Variants in PDE1A observed in about 807,000 individuals in gnomAD.
PDE1A encodes the protein dual specificity calcium/calmodulin-dependent 3',5'-cyclic nucleotide phosphodiesterase 1A.
A neutral mutation model predicts 61.7 loss-of-function variants in PDE1A; 35 were observed. The observed-to-expected ratio is 0.57, with a 90% confidence interval of 0.43 to 0.75. The LOEUF is 0.75. Among genes scored for constraint, PDE1A ranks in the 30% least tolerant of loss-of-function variants. PDE1A has a pLI of 0.00. For synonymous variants in PDE1A, 232 were observed against 213.2 expected, an observed-to-expected ratio of 1.09 and a Z score of -0.77; for missense variants, 597 against 630.6, an observed-to-expected ratio of 0.95 and a Z score of 0.57.
chr2:182,358,599 T>A (rs980646474), intron 1 of PDE1A, among the ~76,000 whole-genome samples: 1 of 152,194 alleles, frequency 6.6e-6, no homozygotes, highest in Non-Finnish European at 1.5e-5. Flanking sequence ...TATATTATAG[T>A]TGCATCTGTA....
intron 2 of PDE1A, among the ~76,000 whole-genome samples, chr2:182,246,954 T>C (rs1354185438): frequency 1.3e-5 from 2 of 152,228 alleles, no homozygotes; most frequent in African/African-American, 4.8e-5. Context: ...ATATTTACAT[T>C]AGACTAATTG....
At chr2:182,222,819 A>G (rs756809177) in intron 7 of PDE1A, among the ~76,000 whole-genome samples, 1 of 152,038 alleles carries the variant, frequency 6.6e-6, no homozygotes. Context: ...CTTAACATAT[A>G]TCTCCTTATT....
intron 1 of PDE1A, among the ~76,000 whole-genome samples, chr2:182,268,388 C>T (rs1209431553): frequency 6.6e-6 from 1 of 152,034 alleles, no homozygotes; most frequent in East Asian, 1.9e-4. Context: ...GATATTAGTA[C>T]ATATATAAGA....
At position 182,206,022 on chromosome 2, in the gene PDE1A, T is replaced by G. The variant is rs1483821807; in HGVS notation, c.820A>C (p.Asn274His). ...CGATAAGCTGCACTCACGTGGTGATTCTCAAGGACAGAGCGATCATTATAC... is the reference window on the plus strand; with the variant it reads ...CGATAAGCTGCACTCACGTGGTGATGCTCAAGGACAGAGCGATCATTATAC... Residue 274 changes from asparagine to histidine, a missense_variant, in exon 8 of 14, where the codon AAT (asparagine) becomes CAT (histidine). Physicochemically the swap from Asn to His is moderately conservative, Grantham distance 68 (BLOSUM62 1). Transcript: ENST00000351439. 3.1e-6 allele frequency: 5 copies of G among 1,612,558 alleles called. No individual in the cohort carries two copies. In the African/African-American group the frequency reaches 6.7e-5, roughly 22 times the overall value.
At chr2:182,293,965 A>G (rs1694708541) in intron 1 of PDE1A, among the ~76,000 whole-genome samples, 3 of 152,184 alleles carry the variant, frequency 2.0e-5, no homozygotes, top group Admixed American at 2.0e-4. Context: ...AGCCATGATG[A>G]TGTCTATGGT....
chr2:182,342,889 G>A (rs891675640), intron 1 of PDE1A, among the ~76,000 whole-genome samples: 2 of 152,110 alleles, frequency 1.3e-5, no homozygotes, highest in Non-Finnish European at 2.9e-5. Flanking sequence ...AGAGGTTCAG[G>A]GCTCCAGAAT....
the PDE1A span, among the ~76,000 whole-genome samples, chr2:182,689,358 C>A: frequency 6.6e-6 from 1 of 152,110 alleles, no homozygotes; most frequent in African/African-American, 2.4e-5. Flanking sequence ...CAAACTAGAA[C>A]TCAGGATTAA....
chr2:182,150,430 T>C (rs1298012698), intron 13 of PDE1A, among the ~76,000 whole-genome samples: 1 of 152,216 alleles, frequency 6.6e-6, no homozygotes, highest in African/African-American at 2.4e-5. Flanking sequence ...AACGTCACTT[T>C]TGAATTTCAT....
intron 13 of PDE1A, among the ~76,000 whole-genome samples, chr2:182,169,762 C>G (rs1038962890): frequency 1.3e-5 from 2 of 151,978 alleles, no homozygotes; most frequent in African/African-American, 2.4e-5. Flanking sequence ...CTTTCTTGTC[C>G]TAGTCCTGCC....
At chr2:182,407,092 C>A (rs138521221) in intron 1 of PDE1A, among the ~76,000 whole-genome samples, 2 of 152,150 alleles carry the variant, frequency 1.3e-5, no homozygotes, top group East Asian at 3.9e-4. Context: ...TCACATGAAG[C>A]AACAGATATA....
chr2:182,291,636 G>T (rs1372720588), intron 1 of PDE1A, among the ~76,000 whole-genome samples: 2 of 152,036 alleles, frequency 1.3e-5, no homozygotes, highest in Non-Finnish European at 2.9e-5. Context: ...GTTTAATTTG[G>T]AACATAATCC....
chr2:182,242,899 C>CCTCTCT (rs71340034), intron 2 of PDE1A, among the ~76,000 whole-genome samples: 10 of 103,648 alleles, frequency 9.6e-5, no homozygotes, highest in East Asian at 2.7e-4. Context: ...TCTCTCTCTC[C>CCTCTCT]CTCTCTCTCT....
At chr2:182,601,968 C>T in the PDE1A span, among the ~76,000 whole-genome samples, 1 of 152,202 alleles carries the variant, frequency 6.6e-6, no homozygotes. Flanking sequence ...GACTGGCAGC[C>T]CAGCCCCCAG....
At chr2:182,580,362 C>T in the PDE1A span, among the ~76,000 whole-genome samples, 2 of 152,128 alleles carry the variant, frequency 1.3e-5, no homozygotes, top group Non-Finnish European at 2.9e-5. Flanking sequence ...TTCTCTCATT[C>T]GCTTATGGGT....
intron 1 of PDE1A, among the ~76,000 whole-genome samples, chr2:182,355,725 T>C (rs1699140630): frequency 6.6e-6 from 1 of 152,124 alleles, no homozygotes; most frequent in African/African-American, 2.4e-5. Context: ...TTAATTAAGG[T>C]AGAGTTTTGG....
intron 1 of PDE1A, among the ~76,000 whole-genome samples, chr2:182,345,304 C>A (rs1698452717): frequency 6.6e-6 from 1 of 152,152 alleles, no homozygotes; most frequent in South Asian, 2.1e-4. Context: ...AGGTGCTAAC[C>A]CACACACCTT....
intron 1 of PDE1A, among the ~76,000 whole-genome samples, chr2:182,346,920 T>C (rs967758252): frequency 2.0e-5 from 3 of 152,176 alleles, no homozygotes; most frequent in Non-Finnish European, 1.5e-5. Context: ...CACCCAAGAC[T>C]TCTGAGAAAA....
intron 13 of PDE1A, among the ~76,000 whole-genome samples, chr2:182,181,809 C>A (rs182036411): frequency 9.0e-4 from 137 of 152,274 alleles, no homozygotes; most frequent in Non-Finnish European, 1.7e-3. Flanking sequence ...CTGGACACAG[C>A]CGCTTTGCTG....
Position 182,521,311 on chromosome 2 carries a change from A to T in PDE1A, c.101+965T>A, listed in dbSNP as rs575382049. Reference sequence around the variant, plus strand: ...CAGCATTAGAGATATAAATCTTAGAAAATCTCTATTTTGCATAGTGTAGGA... The same window carrying T: ...CAGCATTAGAGATATAAATCTTAGATAATCTCTATTTTGCATAGTGTAGGA... On this transcript the variant is annotated intron_variant, in intron 2 of 14. Transcript: ENST00000410103. Among the ~76,000 whole-genome samples, 4 of 152,158 alleles carry T rather than the reference A, an allele frequency of 2.6e-5. No individual in the cohort carries two copies. The East Asian group carries it at 5.8e-4, about 22-fold the overall frequency.
Sources: gnomAD v4.1 joint callset for allele counts (sites outside exome capture counted in the v4.1 genomes callset) on GRCh38, gnomAD v4.1.1 for gene constraint, MANE v1.5 for transcripts, NCBI Gene and HGNC (gene_info 2026-07-23, HGNC 2026-07-21) for gene names.